ROBO2: variants seen among roughly 807,000 people sequenced by gnomAD.
ROBO2 encodes the protein roundabout guidance receptor 2, also known as roundabout homolog 2.
In ROBO2, 53 loss-of-function variants were observed where a neutral mutation model predicts 160.8. The observed-to-expected ratio is 0.33, with a 90% CI of 0.26 to 0.41. ROBO2 has a LOEUF of 0.41. ROBO2 is among the 10% of genes least tolerant of loss of function. The pLI, the probability that ROBO2 is intolerant of heterozygous loss-of-function variation, is 1.00. For synonymous variants in ROBO2, 664 were observed against 611.7 expected (o/e 1.09, Z -1.26); for missense variants, 1,577 against 1,722.4 (o/e 0.92, Z 1.49).
chr3:76,560,624 A>T (rs1224723217), intron 2 of ROBO2, among the ~76,000 whole-genome samples: 1 of 150,398 alleles, frequency 6.6e-6, no homozygotes, highest in African/African-American at 2.4e-5. Context: ...CACAAAAAAA[A>T]AAAAAAGAAA....
intron 2 of ROBO2, among the ~76,000 whole-genome samples, chr3:76,482,071 A>T (rs762894472): frequency 2.0e-5 from 3 of 152,098 alleles, no homozygotes; most frequent in Non-Finnish European, 4.4e-5. Flanking sequence ...TGATGTGCCA[A>T]ATCTTGAATA....
At chr3:77,066,166 TTATGGGAAATCGCAAGA>T (rs1416393353) in intron 1 of ROBO2, among the ~76,000 whole-genome samples, 1 of 152,028 alleles carries the variant, frequency 6.6e-6, no homozygotes, top group African/African-American at 2.4e-5. Context: ...TTGGGTGTGA[TTATGGGAAATCGCAAGA>T]TAAACAGATG....
chr3:76,801,860 A>T (rs1463790714), intron 2 of ROBO2, among the ~76,000 whole-genome samples: 1 of 151,954 alleles, frequency 6.6e-6, no homozygotes, highest in African/African-American at 2.4e-5. Flanking sequence ...TCCTTTTTTC[A>T]CTTGAGCCCT....
chr3:76,468,787 G>A (rs779650127), intron 2 of ROBO2, among the ~76,000 whole-genome samples: 3 of 151,950 alleles, frequency 2.0e-5, no homozygotes, highest in Non-Finnish European at 2.9e-5. Context: ...TTGTCATTCC[G>A]TGCTGGATTT....
chr3:75,909,188 A>C lies in ROBO2; in HGVS notation c.-14+2228A>C, dbSNP rs999527688. On this transcript the variant is annotated intron_variant, in intron 1 of 26. Transcript: ENST00000487694. ...AGGCTTCTTCAAGAGTTGAGGAAGA[A>C]AACAAAATCCCTATAATACAGCCTT... is the stretch of plus-strand genomic sequence containing the variant. Among the ~76,000 whole-genome samples, 22 of 152,206 alleles carry C rather than the reference A, an allele frequency of 1.4e-4. No individual in the cohort carries two copies. In the South Asian group the frequency reaches 1.4e-3, roughly 10 times the overall value.
rs556853622 is a variant in ROBO2, at chr3:77,550,564, C to T, written c.1060-254C>T. On this transcript the variant is annotated intron_variant, in intron 7 of 25. Transcript: ENST00000461745. ...AAAATCAGGATGAGATAAAGATCCC[C>T]ATTCTTTAAAAACACAGATGATTAT... Among the ~76,000 whole-genome samples, 101 of 152,036 alleles carry T rather than the reference C, an allele frequency of 6.6e-4. 1 individual carries two copies. The highest frequency in any genetic ancestry group is 2.2e-3 in the African/African-American group (93 of 41,500).
intron 2 of ROBO2, among the ~76,000 whole-genome samples, chr3:76,903,031 A>G: frequency 6.6e-6 from 1 of 151,942 alleles, no homozygotes; most frequent in Non-Finnish European, 1.5e-5. Context: ...TTTACAAGGA[A>G]TATTTATTAC....
At chr3:76,926,550 T>C (rs2149027269) in intron 2 of ROBO2, among the ~76,000 whole-genome samples, 1 of 152,354 alleles carries the variant, frequency 6.6e-6, no homozygotes, top group Admixed American at 6.5e-5. Context: ...AAAGTTTGTT[T>C]TCTCTTATAT....
chr3:76,230,399 T>G (rs897804127), intron 2 of ROBO2, among the ~76,000 whole-genome samples: 4 of 152,126 alleles, frequency 2.6e-5, no homozygotes, highest in Non-Finnish European at 4.4e-5. Context: ...CTAGGGATTC[T>G]CCATTAATTG....
intron 2 of ROBO2, among the ~76,000 whole-genome samples, chr3:76,073,885 C>T (rs1002813720): frequency 1.6e-4 from 24 of 152,116 alleles, no homozygotes; most frequent in Admixed American, 1.1e-3. Context: ...CTAGTAAAGG[C>T]ACTGCCTTGA....
intron 2 of ROBO2, among the ~76,000 whole-genome samples, chr3:76,470,647 G>C (rs2078607327): frequency 6.6e-6 from 1 of 152,064 alleles, no homozygotes; most frequent in South Asian, 2.1e-4. Context: ...AGCCTTAAAA[G>C]GAACATATTA....
intron 2 of ROBO2, among the ~76,000 whole-genome samples, chr3:76,705,892 C>T (rs534407996): frequency 2.0e-5 from 3 of 152,134 alleles, no homozygotes; most frequent in African/African-American, 7.2e-5. Context: ...ATTAGAATGG[C>T]GGGTGAACAG....
At chr3:77,558,707 A>G (rs561307129) in intron 9 of ROBO2, among the ~76,000 whole-genome samples, 2 of 152,178 alleles carry the variant, frequency 1.3e-5, no homozygotes, top group Admixed American at 1.3e-4. Context: ...TTTACATGAT[A>G]AAAAATGAGC....
intron 2 of ROBO2, among the ~76,000 whole-genome samples, chr3:76,030,288 T>C (rs1559848655): frequency 6.7e-6 from 1 of 149,728 alleles, no homozygotes; most frequent in Non-Finnish European, 1.5e-5. Context: ...ATGTGTAGAT[T>C]GCAAAAATTT....
At chr3:77,266,988 C>A (rs1361910023) in intron 2 of ROBO2, among the ~76,000 whole-genome samples, 1 of 151,994 alleles carries the variant, frequency 6.6e-6, no homozygotes, top group East Asian at 1.9e-4. Context: ...ATATTTATTT[C>A]TTTTCAAAGC....
rs557937933 is a variant in ROBO2 at position 77,197,703 on chromosome 3, T to C, written c.388+99363T>C. Among the ~76,000 whole-genome samples, 8 of 152,368 alleles carry C rather than the reference T, an allele frequency of 5.3e-5. No homozygotes were observed. The East Asian group carries it at 7.7e-4, about 15-fold the overall frequency. ...GAATAAAGGTCTCTAAAGATATCCA[T>C]GTTCTAATTCCCAGAAACCGTGAAC... On this transcript the variant is annotated intron_variant, in intron 2 of 25. Transcript: ENST00000461745.
chr3:76,106,937 T>C (rs977373574), intron 2 of ROBO2, among the ~76,000 whole-genome samples: 2 of 152,136 alleles, frequency 1.3e-5, no homozygotes, highest in African/African-American at 2.4e-5. Context: ...GAGTGTGGTA[T>C]CTGAAAATCA....
At chr3:76,797,767 G>T (rs986020540) in intron 2 of ROBO2, among the ~76,000 whole-genome samples, 5 of 151,710 alleles carry the variant, frequency 3.3e-5, no homozygotes, top group African/African-American at 1.2e-4. Flanking sequence ...AAATTAAAAG[G>T]ATCATTAGAG....
intron 5 of ROBO2, among the ~76,000 whole-genome samples, chr3:77,509,079 ATCT>A (rs1321583499): frequency 3.3e-5 from 5 of 152,114 alleles, no homozygotes; most frequent in Non-Finnish European, 7.4e-5. Context: ...TTTACATATT[ATCT>A]TCAACAAAGA....
Sources: allele counts gnomAD v4.1 joint callset (sites outside exome capture counted in the v4.1 genomes callset), GRCh38; gene constraint gnomAD v4.1.1; transcripts MANE v1.5; gene names NCBI Gene and HGNC (gene_info 2026-07-23, HGNC 2026-07-21).